The following BCL2L14 variants were observed in gnomAD, a reference collection of about 807,000 sequenced individuals.
The protein encoded by BCL2L14 is BCL2 like 14.
A neutral mutation model predicts 35.3 loss-of-function variants in BCL2L14; 27 were observed. That is an observed-to-expected ratio of 0.76 (90% CI 0.56 to 1.05). BCL2L14 has a LOEUF of 1.05. Ranked by LOEUF, BCL2L14 falls within the 50% of genes least tolerant of loss-of-function variation. The probability of loss-of-function intolerance (pLI) is 0.00; values close to 1 mark genes in which losing one functional copy is unlikely to be tolerated. For missense variants in BCL2L14, 377 were observed against 382.6 expected (o/e 0.99, Z 0.12); for synonymous variants, 139 against 145.9 (o/e 0.95, Z 0.34).
At chr12:12,054,735 G>A (rs1306826076) in intron 2 of BCL2L14, 5 of 151,422 alleles carry the variant, frequency 3.3e-5, no homozygotes, top group African/African-American at 1.2e-4. Flanking sequence ...CAGATCATGA[G>A]GTCAGGAGAT....
chr12:12,052,921 G>A (rs1393551303), intron 2 of BCL2L14, among the ~76,000 whole-genome samples: 1 of 152,214 alleles, frequency 6.6e-6, no homozygotes, highest in African/African-American at 2.4e-5. Flanking sequence ...CCATATCAAG[G>A]GAGTGAGGTG....
At chr12:12,095,992 T>C (rs1266494144) in intron 5 of BCL2L14, 1 of 985,126 alleles carries the variant, frequency 1.0e-6, no homozygotes, top group African/African-American at 1.7e-5. Flanking sequence ...GGAGGACAGG[T>C]TCCTCAACAT....
chr12:12,068,077 G>A, upstream of BCL2L14: 1 of 396,810 alleles, frequency 2.5e-6, no homozygotes, highest in Non-Finnish European at 4.4e-6. Flanking sequence ...CTGAGTAGCT[G>A]AGACTACAGG....
In BCL2L14 at chr12:12,083,054, T is replaced by C. The variant is rs184901676; in HGVS notation, c.433+3316T>C. On this transcript the variant is annotated intron_variant, in intron 2 of 5. Transcript: ENST00000308721. ...ATCTCGGCTCACTGCAACCTCTGCC[T>C]CCTGGGTTCACACCATTCTCCTGCC... Among the ~76,000 whole-genome samples, 85 of 152,304 alleles carry C rather than the reference T, an allele frequency of 5.6e-4. No individual in the cohort carries two copies. In the East Asian group the frequency reaches 0.012, roughly 21 times the overall value.
upstream of BCL2L14, among the ~76,000 whole-genome samples, chr12:12,067,591 G>C (rs542889576): frequency 6.6e-6 from 1 of 152,216 alleles, no homozygotes; most frequent in African/African-American, 2.4e-5. Flanking sequence ...TTATAGAGAG[G>C]GGGAGGGCAG....
intron 2 of BCL2L14, among the ~76,000 whole-genome samples, 196 bp from the exon 3 acceptor site, chr12:12,087,017 T>C (rs950795020): frequency 2.6e-5 from 4 of 152,104 alleles, no homozygotes; most frequent in African/African-American, 9.7e-5. Context: ...CATTCCTGCA[T>C]GCACCCCTCC....
At chr12:12,081,773 G>A (rs4763269) in intron 2 of BCL2L14, among the ~76,000 whole-genome samples, 13,624 of 151,966 alleles carry the variant, frequency 0.09, 765 homozygotes, top group East Asian at 0.27. Context: ...TGGTCAGGCT[G>A]GCCTCGAACT....
chr12:12,086,658 G>A (rs1463823996), intron 2 of BCL2L14, among the ~76,000 whole-genome samples: 1 of 152,256 alleles, frequency 6.6e-6, no homozygotes, highest in Non-Finnish European at 1.5e-5. Flanking sequence ...ATGGAGAGGA[G>A]AGAAGAGGCA....
chr12:12,056,980 T>C (rs944837720), intron 2 of BCL2L14, among the ~76,000 whole-genome samples: 11 of 152,362 alleles, frequency 7.2e-5, no homozygotes, highest in African/African-American at 2.4e-4. Context: ...TTAAAGATTA[T>C]TTCTTAAGGG....
At position 12,089,923 on chromosome 12, in the gene BCL2L14, G is replaced by A. The variant is rs1260854263; in HGVS notation, c.608-856G>A. Reference sequence around the variant, plus strand: ...GAAAACAAAAACAGGAAAATAAGACGGATTTGGGAATTAGGTTAATTTCCA... The same window carrying A: ...GAAAACAAAAACAGGAAAATAAGACAGATTTGGGAATTAGGTTAATTTCCA... On this transcript the variant is annotated intron_variant, in intron 3 of 5. Coordinates refer to ENST00000308721, the MANE Select transcript of BCL2L14 (RefSeq NM_138723.2). Among the ~76,000 whole-genome samples the A allele has an allele frequency of 3.3e-5, 5 of 152,250 alleles. No individual in the cohort carries two copies. The East Asian group carries it at 9.6e-4, about 29-fold the overall frequency.
intron 2 of BCL2L14, among the ~76,000 whole-genome samples, chr12:12,059,126 T>A (rs1215075169): frequency 6.6e-6 from 1 of 152,196 alleles, no homozygotes; most frequent in Admixed American, 6.5e-5. Flanking sequence ...AATGCAGCCT[T>A]CCCTTAGTGT....
chr12:12,057,765 A>G (rs1034715306), intron 2 of BCL2L14, among the ~76,000 whole-genome samples: 1 of 151,138 alleles, frequency 6.6e-6, no homozygotes, highest in African/African-American at 2.4e-5. Flanking sequence ...TAAAAAAAAA[A>G]AAAAAGAAGT....
intron 2 of BCL2L14, among the ~76,000 whole-genome samples, chr12:12,058,349 C>A (rs910960432): frequency 5.9e-5 from 9 of 151,796 alleles, no homozygotes. Context: ...TTCCCGGGTT[C>A]AAGCGATTCT....
upstream of BCL2L14, among the ~76,000 whole-genome samples, chr12:12,069,576 C>T (rs914423088): frequency 1.2e-4 from 18 of 151,298 alleles, no homozygotes; most frequent in East Asian, 1.9e-4. Context: ...GGCTTGGTGG[C>T]GGGCGCCTGT....
chr12:12,097,881 A>G (rs935711334), intron 5 of BCL2L14, among the ~76,000 whole-genome samples: 3 of 152,184 alleles, frequency 2.0e-5, no homozygotes, highest in African/African-American at 7.2e-5. Context: ...AATTGATGGC[A>G]CTAGTTCTTT....
At chr12:12,058,751 G>T (rs1270109959) in intron 2 of BCL2L14, among the ~76,000 whole-genome samples, 1 of 152,174 alleles carries the variant, frequency 6.6e-6, no homozygotes, top group South Asian at 2.1e-4. Context: ...CACAAAGCCT[G>T]TTTGGTGGTC....
At chr12:12,066,681 A>C (rs939978519), upstream of BCL2L14, among the ~76,000 whole-genome samples, 15 of 152,298 alleles carry the variant, frequency 9.8e-5, no homozygotes, top group South Asian at 3.1e-3. Context: ...TGTAACAGTA[A>C]GCACTTGAAG....
chr12:12,080,191 T>C (rs910263724), intron 2 of BCL2L14, among the ~76,000 whole-genome samples: 2 of 143,514 alleles, frequency 1.4e-5, no homozygotes, highest in African/African-American at 5.0e-5. Flanking sequence ...GGTGACAGAG[T>C]GAGACTCCGT....
rs537652617 is a variant in BCL2L14 at position 12,055,944 on chromosome 12, C to A, written c.-272+4097C>A. Among the ~76,000 whole-genome samples the A allele has an allele frequency of 3.3e-5, 5 of 152,240 alleles. No homozygotes were observed. The South Asian group carries it at 8.3e-4, about 25-fold the overall frequency. On this transcript the variant is annotated intron_variant, in intron 2 of 3. Coordinates refer to the BCL2L14 transcript ENST00000461264. ...GGCCCCATCCTTGGGCATGCCCCCA[C>A]CCCCAATGTCTGATCACCCTCAAAA...
Sources: gnomAD v4.1 joint callset for allele counts (sites outside exome capture counted in the v4.1 genomes callset) on GRCh38, gnomAD v4.1.1 for gene constraint, MANE v1.5 for transcripts, NCBI Gene and HGNC (gene_info 2026-07-23, HGNC 2026-07-21) for gene names.